Variants in CRYBG2 observed in about 807,000 individuals in gnomAD.
CRYBG2 encodes the protein beta/gamma crystallin domain-containing protein 2.
Under a neutral mutation model 153.4 loss-of-function variants are expected in CRYBG2, and 106 were observed. The observed-to-expected ratio is 0.69, with a 90% CI of 0.59 to 0.81. The LOEUF (loss-of-function observed/expected upper bound fraction) is 0.81, where lower values mean the gene tolerates loss of function less well. Ranked by LOEUF, CRYBG2 falls within the 30% of genes least tolerant of loss-of-function variation. The pLI is 0.00. For synonymous variants in CRYBG2, 851 were observed against 877.8 expected (o/e 0.97, Z 0.54); for missense variants, 1,996 against 2,112.0 (o/e 0.95, Z 1.08).
Position 26,321,907 on chromosome 1 carries a change from A to G in CRYBG2, c.*61T>C. The G allele has an allele frequency of 1.5e-6, 2 of 1,376,072 alleles. No homozygotes were observed. Among genetic ancestry groups the G allele is most frequent in the South Asian group, 1.5e-5 (1 of 67,840 alleles). The allele number at this position is 1,376,072 out of a possible 1,614,324, so 85.2% of individuals were successfully genotyped here. A position where few individuals can be genotyped will look rare whatever the true frequency, so the allele number is the denominator to read the frequency against. On this transcript the variant is annotated 3_prime_UTR_variant, in exon 20 of 20. Transcript: ENST00000308182. Reference sequence around the variant, plus strand: ...GAAAATAGCTTATGTTACAACAAAAACCCTATAAAAACATTCATCCCAGCA... The same window carrying G: ...GAAAATAGCTTATGTTACAACAAAAGCCCTATAAAAACATTCATCCCAGCA...
intron 18 of CRYBG2, among the ~76,000 whole-genome samples, chr1:26,322,618 C>T (rs1335147910): frequency 6.6e-6 from 1 of 152,228 alleles, no homozygotes; most frequent in Non-Finnish European, 1.5e-5. Context: ...CAAATCTCTA[C>T]ACATTTACTA....
intron 14 of CRYBG2, among the ~76,000 whole-genome samples, chr1:26,335,425 T>A (rs1254982734): frequency 6.6e-6 from 1 of 151,956 alleles, no homozygotes; most frequent in Non-Finnish European, 1.5e-5. Flanking sequence ...TGCGGTGAGC[T>A]GAGATCGCGC....
intron 15 of CRYBG2, 73 bp downstream of exon 15, chr1:26,331,416 G>T: frequency 1.9e-6 from 3 of 1,564,180 alleles, no homozygotes; most frequent in South Asian, 2.3e-5. Flanking sequence ...CAGCACACAG[G>T]TTCTGTGTCC....
intron 18 of CRYBG2, 38 bp from the exon 19 acceptor site, chr1:26,322,361 C>T: frequency 6.3e-7 from 1 of 1,590,798 alleles, no homozygotes; most frequent in Non-Finnish European, 8.6e-7. Flanking sequence ...TGTTCCTCCC[C>T]ACAGGGACTC....
chr1:26,324,018 T>G (rs549207746), intron 18 of CRYBG2, 134 bp downstream of exon 18: 18 of 913,512 alleles, frequency 2.0e-5, no homozygotes, highest in Non-Finnish European at 3.0e-5. Flanking sequence ...GGGAACAGTC[T>G]GCACTCTCCC....
At chr1:26,339,747 A>AT (rs2074107757) in intron 5 of CRYBG2, among the ~76,000 whole-genome samples, 1 of 151,968 alleles carries the variant, frequency 6.6e-6, no homozygotes, top group Non-Finnish European at 1.5e-5. Flanking sequence ...AAAACAAAAA[A>AT]AAAAAAGAAA....
In CRYBG2 at chr1:26,325,493, T is replaced by C. The variant is rs1015679062; in HGVS notation, c.4579-1183A>G. ...GAGAATCGCTTGAACCCGGGAGATG[T>C]AGGTTGCAGTGAGCCGAGATCACAC... is the stretch of plus-strand genomic sequence containing the variant. On this transcript the variant is annotated intron_variant, in intron 17 of 19. Coordinates refer to ENST00000308182, the MANE Select transcript of CRYBG2 (RefSeq NM_001039775.4). The surrounding 1 kb of genome is among the most constrained non-coding windows in gnomAD (Gnocchi z 4.1). Among the ~76,000 whole-genome samples, 2 of 150,006 alleles carry C rather than the reference T, an allele frequency of 1.3e-5. No individual in the cohort carries two copies. Among genetic ancestry groups the C allele is most frequent in the South Asian group, 2.1e-4 (1 of 4,758 alleles).
chr1:26,350,593 C>T (rs2074275633), intron 1 of CRYBG2, among the ~76,000 whole-genome samples: 1 of 152,122 alleles, frequency 6.6e-6, no homozygotes. Flanking sequence ...GAACCCCAAC[C>T]CTAAGTGCTC....
chr1:26,351,418 A>G (rs1258680497), intron 1 of CRYBG2, among the ~76,000 whole-genome samples: 2 of 152,120 alleles, frequency 1.3e-5, no homozygotes, highest in Non-Finnish European at 2.9e-5. Context: ...TTACTCACTC[A>G]TTCAGTGCTA....
intron 15 of CRYBG2, 58 bp downstream of exon 15, chr1:26,331,431 G>T: frequency 6.3e-7 from 1 of 1,588,752 alleles, no homozygotes. Flanking sequence ...GTGTCCAGAA[G>T]TCCCACAGCA....
chr1:26,322,865 C>T (rs900751329), intron 18 of CRYBG2, among the ~76,000 whole-genome samples: 3 of 152,144 alleles, frequency 2.0e-5, no homozygotes, highest in African/African-American at 7.2e-5. Context: ...ACCTTTCTGG[C>T]CTCATCTCCT....
In CRYBG2 at chr1:26,346,059, G is replaced by T; in HGVS notation, c.599C>A (p.Pro200Gln). Residue 200 changes from proline (P) to glutamine (Q), a missense_variant, in exon 2 of 20, where the codon CCA becomes CAA. Pro to Gln is a moderately conservative substitution (Grantham distance 76). Coordinates refer to ENST00000308182, the MANE Select transcript of CRYBG2 (RefSeq NM_001039775.4). This position sits in a 1 kb window ranked among gnomAD's most constrained non-coding sequence, Gnocchi z 4.9. ...TGGCAGGGCCTCGCCTGAGGACACT[G>T]GCCTCACAGTCACAGAGCTGCTCAT... ...RRMSSSVTVRPVSSGEALPRG... is the reference protein window; with the variant it reads ...RRMSSSVTVRQVSSGEALPRG... 6.3e-7 allele frequency: 1 copy of T among 1,588,486 alleles called. No individual in the cohort carries two copies.
rs111532096 is a variant in CRYBG2 at position 26,336,048 on chromosome 1, C to A, written c.4184+47G>T. 8.8e-4 allele frequency: 1,206 copies of A among 1,376,620 alleles called. 11 individuals carry two copies. The African/African-American group carries it at 0.015, about 17-fold the overall frequency. 85.3% of individuals were successfully genotyped at this position (1,376,620 alleles called of 1,614,324 possible). On this transcript the variant is annotated intron_variant, in intron 14 of 19. Coordinates refer to ENST00000308182, the MANE Select transcript of CRYBG2 (RefSeq NM_001039775.4). The surrounding 1 kb of genome is among the most constrained non-coding windows in gnomAD (Gnocchi z 4.9). The stretch of plus-strand genomic sequence containing the variant: ...TTGAAAGACTCTCCTCCTGCAGCCC[C>A]GCCTCTGCCCCAGCGCCCCCAGCCC...
chr1:26,328,177 C>G (rs892529851), intron 17 of CRYBG2, 32 bp downstream of exon 17: 22 of 1,554,156 alleles, frequency 1.4e-5, no homozygotes, highest in Non-Finnish European at 1.4e-5. Context: ...CGCTCAGCCC[C>G]AGACACGCTC....
Position 26,323,404 on chromosome 1 carries a change from A to G in CRYBG2, c.4737+748T>C, listed in dbSNP as rs115501530. ...CTGGCCTATTCCCCTTTCATGATTTATCTTCCTCTATTGAACTTTCATCCT... is the reference window on the plus strand; with the variant it reads ...CTGGCCTATTCCCCTTTCATGATTTGTCTTCCTCTATTGAACTTTCATCCT... On this transcript the variant is annotated intron_variant, in intron 18 of 19. Transcript: ENST00000308182. Among the ~76,000 whole-genome samples the G allele has an allele frequency of 4.6e-3, 695 of 151,974 alleles. 5 individuals are homozygous for G. The highest frequency in any genetic ancestry group is 0.015 in the African/African-American group (615 of 41,450).
At chr1:26,352,983 C>T (rs972158084) in intron 1 of CRYBG2, among the ~76,000 whole-genome samples, 3 of 152,056 alleles carry the variant, frequency 2.0e-5, no homozygotes, top group African/African-American at 7.3e-5. Context: ...AATCCACCGC[C>T]ATAGGAGCCT....
chr1:26,337,403 A>C (rs2074075140), intron 9 of CRYBG2, 24 bp from the exon 10 acceptor site: 2 of 1,611,148 alleles, frequency 1.2e-6, no homozygotes, highest in African/African-American at 1.3e-5. Context: ...GAGGACAGAC[A>C]GGCAGGTTCA....
Position 26,337,563 on chromosome 1 carries a change from C to T in CRYBG2, c.3619G>A (p.Gly1207Arg). 4 of 1,612,816 alleles carry T rather than the reference C, an allele frequency of 2.5e-6. No individual in the cohort carries two copies. Among genetic ancestry groups the T allele is most frequent in the Non-Finnish European group, 3.4e-6 (4 of 1,179,970 alleles). The change falls in exon 9 of 20, where the codon GGG (glycine) becomes AGG (arginine). Residue 1207 changes from glycine (G) to arginine (R), a missense_variant. Transcript: ENST00000308182. ...DSQSPHLASV[G>R]SLRVLGGCWV... ...CAGCCTCCGAGAACTCTCAGGGACC[C>T]CACAGAGGCCAGGTGGGGGCTCTGG...
chr1:26,328,424 C>T, intron 16 of CRYBG2, 92 bp from the exon 17 acceptor site: 1 of 1,489,328 alleles, frequency 6.7e-7, no homozygotes. Context: ...TCAAAACGTT[C>T]TCCACCTCCT....
Sources: allele counts gnomAD v4.1 joint callset (sites outside exome capture counted in the v4.1 genomes callset), GRCh38; gene constraint gnomAD v4.1.1; non-coding constraint Gnocchi (gnomAD v3.1); transcripts MANE v1.5; gene names NCBI Gene and HGNC (gene_info 2026-07-23, HGNC 2026-07-21).